The following KCNIP4 variants were observed in gnomAD, a reference collection of about 807,000 sequenced individuals.
KCNIP4 encodes the protein Kv channel-interacting protein 4.
KCNIP4 carries 12 observed loss-of-function variants against 34.0 expected under a neutral mutation model. The ratio of observed to expected loss-of-function variants is 0.35; its 90% CI spans 0.23 to 0.57. KCNIP4 has a LOEUF of 0.57. KCNIP4 is among the 20% of genes least tolerant of loss of function. KCNIP4 has a pLI of 0.83. For missense variants in KCNIP4, 238 were observed against 311.7 expected (o/e 0.76, Z 1.78); for synonymous variants, 124 against 102.2 (o/e 1.21, Z -1.29).
At chr4:20,988,121 AG>A (rs1736760576) in intron 1 of KCNIP4, among the ~76,000 whole-genome samples, 1 of 152,056 alleles carries the variant, frequency 6.6e-6, no homozygotes, top group Non-Finnish European at 1.5e-5. Context: ...ACTTGCCTGA[AG>A]CCTCATATAT....
At chr4:21,528,262 A>T (rs528842154) in intron 1 of KCNIP4, among the ~76,000 whole-genome samples, 10 of 152,200 alleles carry the variant, frequency 6.6e-5, no homozygotes, top group African/African-American at 1.4e-4. Context: ...CAAATAAAAC[A>T]ATCTGGGATT....
chr4:21,235,155 T>A (rs1759263551), intron 1 of KCNIP4, among the ~76,000 whole-genome samples: 1 of 152,206 alleles, frequency 6.6e-6, no homozygotes. Context: ...CAGGTGCTAC[T>A]AATAATACTG....
At chr4:21,507,163 T>C (rs1733914107) in intron 1 of KCNIP4, among the ~76,000 whole-genome samples, 1 of 152,026 alleles carries the variant, frequency 6.6e-6, no homozygotes, top group South Asian at 2.1e-4. Flanking sequence ...AAACATGCAA[T>C]CAATATAAAA....
chr4:21,446,779 C>T (rs1322750780), intron 1 of KCNIP4, among the ~76,000 whole-genome samples: 1 of 151,726 alleles, frequency 6.6e-6, no homozygotes, highest in Non-Finnish European at 1.5e-5. Context: ...AAAATTATTC[C>T]CAAACATAAA....
At chr4:21,774,968 T>C (rs368646193) in intron 1 of KCNIP4, among the ~76,000 whole-genome samples, 3 of 152,330 alleles carry the variant, frequency 2.0e-5, no homozygotes, top group East Asian at 3.9e-4. Context: ...TCTGATCCTC[T>C]GTCTAGTTCT....
At chr4:21,596,485 A>G (rs918766832) in intron 1 of KCNIP4, among the ~76,000 whole-genome samples, 2 of 152,100 alleles carry the variant, frequency 1.3e-5, no homozygotes, top group African/African-American at 2.4e-5. Flanking sequence ...TGTCTTTCTT[A>G]ACTTGGCATG....
At chr4:21,769,724 G>T (rs148506099) in intron 1 of KCNIP4, among the ~76,000 whole-genome samples, 2 of 151,984 alleles carry the variant, frequency 1.3e-5, no homozygotes, top group Non-Finnish European at 2.9e-5. Flanking sequence ...ACACTGACGT[G>T]CAAAATATTT....
At chr4:20,785,333 T>TC (rs955607704) in intron 3 of KCNIP4, among the ~76,000 whole-genome samples, 29 of 151,360 alleles carry the variant, frequency 1.9e-4, no homozygotes, top group Middle Eastern at 3.4e-3. Flanking sequence ...TTTTTCTTTT[T>TC]TTTTTTTTTT....
intron 1 of KCNIP4, among the ~76,000 whole-genome samples, chr4:21,686,369 C>T (rs181375379): frequency 3.3e-5 from 5 of 152,046 alleles, no homozygotes; most frequent in South Asian, 4.2e-4. Context: ...ACAGCCAAGG[C>T]GGTATCTGTT....
intron 1 of KCNIP4, among the ~76,000 whole-genome samples, chr4:21,823,841 A>G (rs1021787992): frequency 9.2e-5 from 14 of 152,122 alleles, no homozygotes; most frequent in Non-Finnish European, 1.5e-5. Flanking sequence ...AAAAATGACC[A>G]CCGATTTTTC....
intron 1 of KCNIP4, among the ~76,000 whole-genome samples, chr4:21,393,455 G>A (rs1722725199): frequency 6.6e-6 from 1 of 152,058 alleles, no homozygotes; most frequent in South Asian, 2.1e-4. Flanking sequence ...TGCAGGGGTG[G>A]CACCACCCAT....
intron 1 of KCNIP4, among the ~76,000 whole-genome samples, chr4:21,743,898 A>G (rs993905613): frequency 6.6e-6 from 1 of 151,216 alleles, no homozygotes; most frequent in African/African-American, 2.4e-5. Context: ...GGGAGGAGGC[A>G]TTGCCATGGG....
intron 1 of KCNIP4, among the ~76,000 whole-genome samples, chr4:21,901,787 GA>G (rs1487677984): frequency 1.3e-5 from 2 of 151,844 alleles, no homozygotes; most frequent in African/African-American, 2.4e-5. Context: ...GGGGTCATTT[GA>G]AAGTCCCAAA....
At chr4:20,884,397 T>C (rs1184607929) in intron 1 of KCNIP4, among the ~76,000 whole-genome samples, 2 of 150,356 alleles carry the variant, frequency 1.3e-5, no homozygotes, top group Admixed American at 6.6e-5. Flanking sequence ...TTCCCTCCCC[T>C]TGACCCCCAC....
At chr4:21,106,490 T>G (rs1446107163) in intron 1 of KCNIP4, among the ~76,000 whole-genome samples, 6 of 151,796 alleles carry the variant, frequency 4.0e-5, no homozygotes, top group African/African-American at 1.5e-4. Context: ...TTCTCTCTTT[T>G]ATTCTTTATT....
intron 1 of KCNIP4, chr4:21,656,376 A>G (rs1747936294): frequency 6.6e-6 from 1 of 152,210 alleles, no homozygotes; most frequent in Non-Finnish European, 1.5e-5. Context: ...TCCTATATTC[A>G]AATAAAGTTG....
intron 1 of KCNIP4, among the ~76,000 whole-genome samples, chr4:21,624,510 T>C (rs1041240318): frequency 6.6e-6 from 1 of 152,164 alleles, no homozygotes; most frequent in Non-Finnish European, 1.5e-5. Flanking sequence ...TATCCATATA[T>C]AATTTGACAT....
At chr4:20,920,482 A>C (rs544663164) in intron 1 of KCNIP4, among the ~76,000 whole-genome samples, 60 of 152,346 alleles carry the variant, frequency 3.9e-4, no homozygotes, top group Non-Finnish European at 7.2e-4. Context: ...GGATAACAGC[A>C]CAGGCTCACA....
At chr4:20,867,402 C>T (rs1290368104) in intron 2 of KCNIP4, among the ~76,000 whole-genome samples, 1 of 151,920 alleles carries the variant, frequency 6.6e-6, no homozygotes, top group Non-Finnish European at 1.5e-5. Context: ...TTTGACAAGG[C>T]TGACAAAAAC....
Sources: allele counts gnomAD v4.1 joint callset (sites outside exome capture counted in the v4.1 genomes callset), GRCh38; gene constraint gnomAD v4.1.1; transcripts MANE v1.5; gene names NCBI Gene and HGNC (gene_info 2026-07-23, HGNC 2026-07-21).